COL5A2: variants seen among roughly 807,000 people sequenced by gnomAD.
COL5A2 encodes collagen type V alpha 2 chain.
Under a neutral mutation model 208.2 loss-of-function variants are expected in COL5A2, and 23 were observed. That is an observed-to-expected ratio of 0.11 (90% confidence interval 0.08 to 0.16). COL5A2 has a LOEUF of 0.16. Ranked by LOEUF, COL5A2 falls within the 10% of genes least tolerant of loss-of-function variation. COL5A2 has a pLI of 1.00. For synonymous variants in COL5A2, 625 were observed against 628.5 expected, an observed-to-expected ratio of 0.99 and a Z score of 0.08; for missense variants, 1,590 against 1,956.4, an observed-to-expected ratio of 0.81 and a Z score of 3.53.
chr2:189,187,977 A>T (rs557608441), intron 1 of COL5A2, among the ~76,000 whole-genome samples: 2 of 151,672 alleles, frequency 1.3e-5, no homozygotes, highest in South Asian at 4.2e-4. Flanking sequence ...TCAAAAAAAA[A>T]AGTTACTATT....
At chr2:189,311,705 G>T in the COL5A2 span, 1 of 752,916 alleles carries the variant, frequency 1.3e-6, no homozygotes, top group Non-Finnish European at 2.4e-6. Context: ...GGACTGCATG[G>T]TGACCACTGT....
At chr2:189,406,486 T>C in the COL5A2 span, among the ~76,000 whole-genome samples, 4 of 152,164 alleles carry the variant, frequency 2.6e-5, no homozygotes, top group Admixed American at 2.6e-4. Context: ...CCACAAATTA[T>C]ATTCTTAACA....
the COL5A2 span, among the ~76,000 whole-genome samples, chr2:189,332,556 A>G: frequency 2.0e-4 from 31 of 152,274 alleles, no homozygotes; most frequent in African/African-American, 7.5e-4. Context: ...AATAGTGAAT[A>G]AGTCTCATGA....
At chr2:189,393,878 G>A in the COL5A2 span, among the ~76,000 whole-genome samples, 7 of 152,090 alleles carry the variant, frequency 4.6e-5, no homozygotes, top group South Asian at 2.1e-4. Context: ...CAAGACCTTC[G>A]CCACAATAGT....
the COL5A2 span, among the ~76,000 whole-genome samples, chr2:189,402,959 C>G: frequency 6.6e-6 from 1 of 152,082 alleles, no homozygotes; most frequent in Non-Finnish European, 1.5e-5. Context: ...TGTCAATGGT[C>G]GTTTAAAGGG....
chr2:189,300,307 A>G, the COL5A2 span, among the ~76,000 whole-genome samples: 2 of 152,228 alleles, frequency 1.3e-5, no homozygotes, highest in African/African-American at 4.8e-5. Flanking sequence ...CACTCTACAC[A>G]TTCTCAGAAG....
the COL5A2 span, among the ~76,000 whole-genome samples, chr2:189,265,036 T>C: frequency 1.3e-5 from 2 of 152,088 alleles, no homozygotes; most frequent in Admixed American, 6.6e-5. Context: ...TTCAGAAAAG[T>C]TGGAAGGGGC....
the COL5A2 span, among the ~76,000 whole-genome samples, chr2:189,440,366 T>C: frequency 6.6e-6 from 1 of 152,230 alleles, no homozygotes; most frequent in Non-Finnish European, 1.5e-5. Flanking sequence ...TACAGCCTAC[T>C]ACACACCTAG....
intron 1 of COL5A2, among the ~76,000 whole-genome samples, chr2:189,187,742 G>A (rs976339066): frequency 3.3e-5 from 5 of 151,904 alleles, no homozygotes; most frequent in African/African-American, 1.2e-4. Flanking sequence ...AGGCCGAGGC[G>A]GGCAGATCAC....
the COL5A2 span, among the ~76,000 whole-genome samples, chr2:189,321,991 T>G: frequency 6.6e-6 from 1 of 152,154 alleles, no homozygotes. Context: ...CAGACCACAG[T>G]GCAATCAAAC....
the COL5A2 span, among the ~76,000 whole-genome samples, chr2:189,271,322 G>T: frequency 6.6e-6 from 1 of 151,918 alleles, no homozygotes; most frequent in Non-Finnish European, 1.5e-5. Flanking sequence ...ATAGACCAAT[G>T]GAACAGAACA....
rs559521625 is a variant in COL5A2, at chr2:189,187,049, G to T, written c.-42+38099C>A. Among the ~76,000 whole-genome samples the T allele has an allele frequency of 2.6e-5, 4 of 152,208 alleles. No individual in the cohort carries two copies. In the East Asian group the frequency reaches 7.7e-4, roughly 29 times the overall value. On this transcript the variant is annotated intron_variant, in intron 1 of 10. Transcript: ENST00000649966. The stretch of plus-strand genomic sequence containing the variant: ...TGTGCTGTCTCCTAAGGCATCAATC[G>T]TTACATTTAGAGATTATGGAGAGTC...
the COL5A2 span, among the ~76,000 whole-genome samples, chr2:189,251,890 C>T: frequency 6.6e-6 from 1 of 152,070 alleles, no homozygotes; most frequent in Non-Finnish European, 1.5e-5. Context: ...CCAGAATCTA[C>T]AAAGAGCTCA....
chr2:189,137,542 A>G (rs1261151432), intron 1 of COL5A2, among the ~76,000 whole-genome samples: 2 of 152,240 alleles, frequency 1.3e-5, no homozygotes, highest in African/African-American at 4.8e-5. Flanking sequence ...ACAAAAAATG[A>G]TACTTTTCAC....
intron 1 of COL5A2, among the ~76,000 whole-genome samples, chr2:189,133,894 G>A (rs1687774822): frequency 6.6e-6 from 1 of 152,042 alleles, no homozygotes; most frequent in South Asian, 2.1e-4. Flanking sequence ...TTATTTCTGA[G>A]TGAAGGATTG....
chr2:189,258,004 C>T, the COL5A2 span, among the ~76,000 whole-genome samples: 5 of 151,522 alleles, frequency 3.3e-5, 1 homozygote, highest in African/African-American at 1.2e-4. Flanking sequence ...GTCCCAGCTA[C>T]TCAGGAGGCT....
the COL5A2 span, among the ~76,000 whole-genome samples, chr2:189,327,161 T>C: frequency 7.9e-5 from 12 of 152,028 alleles, no homozygotes; most frequent in African/African-American, 2.9e-4. Flanking sequence ...ATTTGAATTA[T>C]ATTCACTTTT....
At chr2:189,251,119 G>A in the COL5A2 span, among the ~76,000 whole-genome samples, 13 of 151,872 alleles carry the variant, frequency 8.6e-5, no homozygotes, top group Admixed American at 1.3e-4. Flanking sequence ...TCAAATTGAT[G>A]GGGGGCATGG....
the COL5A2 span, among the ~76,000 whole-genome samples, chr2:189,237,006 T>A: frequency 6.6e-6 from 1 of 151,916 alleles, no homozygotes. Flanking sequence ...CTTTTACATT[T>A]AGATTAGAAA....
Sources: allele counts gnomAD v4.1 joint callset (sites outside exome capture counted in the v4.1 genomes callset), GRCh38; gene constraint gnomAD v4.1.1; transcripts MANE v1.5; gene names NCBI Gene and HGNC (gene_info 2026-07-23, HGNC 2026-07-21).